Variants in NXN observed in about 807,000 individuals in gnomAD.
NXN encodes nucleoredoxin.
In NXN, 16 loss-of-function variants were observed where a neutral mutation model predicts 48.6. The ratio of observed to expected loss-of-function variants is 0.33; its 90% confidence interval spans 0.22 to 0.50. The LOEUF is 0.50. NXN is among the 20% of genes least tolerant of loss of function. The pLI is 0.98. For synonymous variants in NXN, 281 were observed against 269.6 expected (o/e 1.04, Z -0.41); for missense variants, 492 against 605.5 (o/e 0.81, Z 1.97).
intron 1 of NXN, chr17:933,492 CA>C (rs2068875652): frequency 6.6e-6 from 1 of 152,016 alleles, no homozygotes. Flanking sequence ...AAATCCCAGC[CA>C]AAATGAGGGC....
At chr17:936,047 G>A (rs1043105199) in intron 1 of NXN, among the ~76,000 whole-genome samples, 6 of 141,022 alleles carry the variant, frequency 4.3e-5, no homozygotes, top group South Asian at 2.4e-4. Context: ...AGCCAAGATC[G>A]TGCCACTGCA....
intron 1 of NXN, among the ~76,000 whole-genome samples, chr17:855,693 G>A (rs1191266626): frequency 2.0e-5 from 3 of 152,176 alleles, no homozygotes; most frequent in African/African-American, 7.2e-5. Context: ...TCTGCCATGG[G>A]ATATGTAGAA....
chr17:915,745 C>A (rs2068681916), intron 1 of NXN, among the ~76,000 whole-genome samples: 1 of 112,352 alleles, frequency 8.9e-6, no homozygotes, highest in South Asian at 2.8e-4. Context: ...TAGTGCAACA[C>A]TAAAATGCCT....
intron 1 of NXN, among the ~76,000 whole-genome samples, chr17:915,237 T>C (rs960697785): frequency 2.6e-5 from 4 of 151,790 alleles, no homozygotes; most frequent in Non-Finnish European, 2.9e-5. Context: ...CCCGGCCAGT[T>C]GAGGATTTTA....
intron 5 of NXN, among the ~76,000 whole-genome samples, chr17:816,231 G>T (rs1912464136): frequency 1.3e-5 from 2 of 152,152 alleles, no homozygotes; most frequent in Non-Finnish European, 2.9e-5. Flanking sequence ...AATTAACACA[G>T]AGTCGTTCTG....
In NXN at chr17:917,253, T is replaced by C. The variant is rs62070215; in HGVS notation, c.360+62066A>G. 0.28 allele frequency among the ~76,000 whole-genome samples: 43,012 copies of C among 151,786 alleles called. 7,551 individuals are homozygous for C. Among genetic ancestry groups the C allele is most frequent in the Middle Eastern group, 0.45 (131 of 290 alleles). Reference sequence around the variant, plus strand: ...GCCTCGCGGGTTCAAGCGATTCTCCTGCCTCAGCCTCCCGAGCAGCTGGGA... The same window carrying C: ...GCCTCGCGGGTTCAAGCGATTCTCCCGCCTCAGCCTCCCGAGCAGCTGGGA... On this transcript the variant is annotated intron_variant, in intron 1 of 7. Coordinates refer to ENST00000336868, the MANE Select transcript of NXN (RefSeq NM_022463.5). The surrounding 1 kb of genome is among the most constrained non-coding windows in gnomAD (Gnocchi z 4.5).
intron 1 of NXN, among the ~76,000 whole-genome samples, chr17:963,635 T>A (rs976386875): frequency 6.6e-6 from 1 of 151,952 alleles, no homozygotes; most frequent in African/African-American, 2.4e-5. Flanking sequence ...ATTTTTTTTT[T>A]TAAAATGCTA....
chr17:924,420 A>G (rs2068778707), intron 1 of NXN, among the ~76,000 whole-genome samples: 1 of 152,154 alleles, frequency 6.6e-6, no homozygotes, highest in South Asian at 2.1e-4. Flanking sequence ...TATTTTTAGT[A>G]GAGATGGGGT....
intron 1 of NXN, among the ~76,000 whole-genome samples, chr17:939,639 C>T (rs1055788485): frequency 6.6e-6 from 1 of 152,260 alleles, no homozygotes; most frequent in African/African-American, 2.4e-5. Context: ...AGCCACCGCG[C>T]CTGGCCAGAG....
At chr17:872,555 C>G (rs757464421) in intron 1 of NXN, among the ~76,000 whole-genome samples, 113 of 151,230 alleles carry the variant, frequency 7.5e-4, no homozygotes, top group Non-Finnish European at 1.1e-3. Flanking sequence ...AGAGGGTACC[C>G]TGATATTTGA....
At chr17:808,008 A>G (rs1477266314) in intron 5 of NXN, among the ~76,000 whole-genome samples, 1 of 152,136 alleles carries the variant, frequency 6.6e-6, no homozygotes, top group Non-Finnish European at 1.5e-5. Flanking sequence ...TGGTTACAGT[A>G]GGGATGGGGG....
intron 1 of NXN, among the ~76,000 whole-genome samples, chr17:862,571 G>T (rs983491649): frequency 6.6e-6 from 1 of 152,210 alleles, no homozygotes; most frequent in African/African-American, 2.4e-5. Flanking sequence ...CATATCAGTG[G>T]ATGTGAAGCC....
At chr17:812,518 C>T (rs1003783464) in intron 5 of NXN, among the ~76,000 whole-genome samples, 2 of 152,198 alleles carry the variant, frequency 1.3e-5, no homozygotes, top group Admixed American at 1.3e-4. Context: ...ACAGGATGTG[C>T]AGACCAGACA....
At chr17:899,077 C>T in intron 1 of NXN, among the ~76,000 whole-genome samples, 1 of 151,518 alleles carries the variant, frequency 6.6e-6, no homozygotes, top group East Asian at 2.0e-4. Context: ...CCTGCCTCAG[C>T]CTCCCGAGTA....
chr17:878,554 C>CA (rs1365235056), intron 1 of NXN, among the ~76,000 whole-genome samples: 1 of 150,244 alleles, frequency 6.7e-6, no homozygotes, highest in Non-Finnish European at 1.5e-5. Context: ...AAGTCCACGC[C>CA]AGGGAGTTTG....
In NXN at chr17:800,839, A is replaced by G. The variant is rs1911161228; in HGVS notation, c.*110T>C. 1.6e-6 allele frequency: 1 copy of G among 645,122 alleles called. No individual in the cohort carries two copies. Among genetic ancestry groups the G allele is most frequent in the African/African-American group, 1.9e-5 (1 of 52,916 alleles). 40.0% of individuals were successfully genotyped at this position (645,122 alleles called of 1,614,324 possible). ...ACAAGGCACCACAGAGAGGCTGGAC[A>G]CTTGGGTGGTGGGATTCGGGGCACG... On this transcript the variant is annotated 3_prime_UTR_variant, in exon 8 of 8. Transcript: ENST00000336868.
At chr17:868,461 CTT>C (rs1198529441) in intron 1 of NXN, among the ~76,000 whole-genome samples, 3 of 150,926 alleles carry the variant, frequency 2.0e-5, no homozygotes, top group Non-Finnish European at 2.9e-5. Context: ...ACTACCTTGT[CTT>C]TTTTTGTTTT....
intron 5 of NXN, among the ~76,000 whole-genome samples, chr17:807,457 C>T (rs1217130156): frequency 6.6e-6 from 1 of 152,192 alleles, no homozygotes; most frequent in Admixed American, 6.5e-5. Context: ...CTGCCCATTT[C>T]CCGGCTCAGC....
At chr17:939,822 T>C (rs1185537867) in intron 1 of NXN, among the ~76,000 whole-genome samples, 1 of 152,238 alleles carries the variant, frequency 6.6e-6, no homozygotes, top group Non-Finnish European at 1.5e-5. Flanking sequence ...CCACATGCTT[T>C]TTTTGTATTC....
Sources: gnomAD v4.1 joint callset for allele counts (sites outside exome capture counted in the v4.1 genomes callset) on GRCh38, gnomAD v4.1.1 for gene constraint, Gnocchi (gnomAD v3.1) non-coding constraint, MANE v1.5 for transcripts, NCBI Gene and HGNC (gene_info 2026-07-23, HGNC 2026-07-21) for gene names.